LIMK2: variants seen among roughly 807,000 people sequenced by gnomAD.
The protein encoded by LIMK2 is LIM domain kinase 2.
In LIMK2, 35 loss-of-function variants were observed where a neutral mutation model predicts 75.7. That is an observed-to-expected ratio of 0.46 (90% CI 0.35 to 0.61). LIMK2 has a LOEUF of 0.61. LIMK2 is among the 20% of genes least tolerant of loss of function. The probability of loss-of-function intolerance (pLI) is 0.00; values close to 1 mark genes in which losing one functional copy is unlikely to be tolerated. For synonymous variants in LIMK2, 301 were observed against 319.2 expected (o/e 0.94, Z 0.61); for missense variants, 623 against 831.0 (o/e 0.75, Z 3.08).
At chr22:31,270,123 G>A (rs1419394529) in intron 11 of LIMK2, among the ~76,000 whole-genome samples, 2 of 152,162 alleles carry the variant, frequency 1.3e-5, no homozygotes, top group Non-Finnish European at 2.9e-5. Context: ...CATCTTCTGG[G>A]CAGGAAACTG....
intron 13 of LIMK2, among the ~76,000 whole-genome samples, 155 bp from the exon 14 acceptor site, chr22:31,273,296 AT>A (rs894310258): frequency 1.2e-4 from 19 of 152,250 alleles, no homozygotes; most frequent in African/African-American, 4.6e-4. Flanking sequence ...AGGAAGGACT[AT>A]TTTCAGGTGG....
At chr22:31,242,363 CCTT>C (rs1568989341) in intron 2 of LIMK2, among the ~76,000 whole-genome samples, 8 of 152,282 alleles carry the variant, frequency 5.3e-5, no homozygotes, top group Admixed American at 2.6e-4. Context: ...TGTTTTTCCT[CCTT>C]TTTGAAAACT....
chr22:31,277,248 G>A, intron 15 of LIMK2: 7 of 1,559,630 alleles, frequency 4.5e-6, no homozygotes, highest in Non-Finnish European at 6.1e-6. Context: ...GGTTCCATGA[G>A]CAGGGCTCCT....
chr22:31,276,806 C>T, intron 15 of LIMK2: 1 of 1,610,812 alleles, frequency 6.2e-7, no homozygotes, highest in Non-Finnish European at 8.5e-7. Context: ...CCCGGGGCCG[C>T]AGGAGAGGGC....
intron 11 of LIMK2, among the ~76,000 whole-genome samples, chr22:31,269,286 CTTT>C (rs796361643): frequency 2.1e-5 from 2 of 95,476 alleles, no homozygotes; most frequent in Non-Finnish European, 2.2e-5. Flanking sequence ...ATTTTTTTTT[CTTT>C]TTTTTTTTTT....
chr22:31,233,400 C>T (rs1421230256), intron 2 of LIMK2, among the ~76,000 whole-genome samples: 1 of 152,140 alleles, frequency 6.6e-6, no homozygotes, highest in Admixed American at 6.5e-5. Context: ...CATGACATTC[C>T]ACACTCTCCT....
chr22:31,242,778 A>G (rs1321068885), intron 2 of LIMK2, among the ~76,000 whole-genome samples: 1 of 152,252 alleles, frequency 6.6e-6, no homozygotes, highest in African/African-American at 2.4e-5. Flanking sequence ...TGAACATGAC[A>G]TCACATTACA....
At position 31,273,460 on chromosome 22, in the gene LIMK2, T is replaced by C. The variant is rs1245672683; in HGVS notation, c.1567T>C (p.Tyr523His). 1 of 1,613,708 alleles carries C rather than the reference T, an allele frequency of 6.2e-7. No individual in the cohort carries two copies. The highest frequency in any genetic ancestry group is 2.2e-5 in the East Asian group (1 of 44,858). The change falls in exon 14 of 16, where the codon TAT becomes CAT. Residue 523 changes from tyrosine to histidine, a missense_variant. Around this residue, in one of 3 missense-constraint regions of LIMK2, gnomAD observed 63 missense variants for 122.8 expected, o/e 0.51. Coordinates refer to ENST00000331728, the MANE Select transcript of LIMK2 (RefSeq NM_005569.4). ...MAPEMLNGKSYDETVDIFSFG... is the reference protein window; with the variant it reads ...MAPEMLNGKSHDETVDIFSFG... ...CTCCTGTGTTCCCCAAGGAAAGAGCTATGATGAGACGGTGGATATCTTCTC... is the reference window on the plus strand; with the variant it reads ...CTCCTGTGTTCCCCAAGGAAAGAGCCATGATGAGACGGTGGATATCTTCTC...
chr22:31,216,709 A>C (rs929902131), intron 1 of LIMK2, among the ~76,000 whole-genome samples: 6 of 152,214 alleles, frequency 3.9e-5, no homozygotes, highest in Non-Finnish European at 5.9e-5. Flanking sequence ...ATCCGTCATG[A>C]TCAAGGGGCT....
intron 8 of LIMK2, 109 bp downstream of exon 8, chr22:31,266,241 G>A (rs2048894582): frequency 8.9e-7 from 1 of 1,120,478 alleles, no homozygotes. Context: ...AGGATGCCAG[G>A]CCTCCTTCCT....
chr22:31,278,284 CT>C lies in LIMK2; in HGVS notation c.1773-9del, dbSNP rs1472885125. Reference sequence around the variant, plus strand: ...TGTTCCACCTGCCTCTAATTTACCTCTTTTCCTTCTAGACCAGCATTCTCGA... The same window carrying C: ...TGTTCCACCTGCCTCTAATTTACCTCTTTCCTTCTAGACCAGCATTCTCGA... On this transcript the variant is annotated splice_polypyrimidine_tract_variant and intron_variant, in intron 15 of 15. Transcript: ENST00000331728. 3 of 1,606,710 alleles carry C rather than the reference CT, an allele frequency of 1.9e-6. No individual in the cohort carries two copies. Among genetic ancestry groups the C allele is most frequent in the African/African-American group, 1.3e-5 (1 of 74,964 alleles).
intron 15 of LIMK2, 43 bp from the exon 16 acceptor site, chr22:31,278,254 G>C (rs1435620739): frequency 6.4e-7 from 1 of 1,572,240 alleles, no homozygotes; most frequent in East Asian, 2.2e-5. Context: ...CCATGGCCCT[G>C]CTCATGTTCC....
At chr22:31,243,567 A>T (rs754191133) in intron 2 of LIMK2, among the ~76,000 whole-genome samples, 3 of 152,206 alleles carry the variant, frequency 2.0e-5, no homozygotes, top group Admixed American at 6.5e-5. Context: ...GACGCTTTGA[A>T]GACCTGTGCC....
chr22:31,219,938 A>G (rs2075003465), intron 1 of LIMK2, among the ~76,000 whole-genome samples: 1 of 152,214 alleles, frequency 6.6e-6, no homozygotes, highest in Non-Finnish European at 1.5e-5. Context: ...GGTAAACACT[A>G]TAGAGGGAGA....
At chr22:31,247,950 C>G (rs1002279656) in intron 2 of LIMK2, among the ~76,000 whole-genome samples, 5 of 151,888 alleles carry the variant, frequency 3.3e-5, no homozygotes, top group Admixed American at 1.3e-4. Flanking sequence ...CAGGACAGAA[C>G]AGATGGCAGC....
intron 2 of LIMK2, chr22:31,248,762 C>T (rs1457321255): frequency 6.2e-7 from 1 of 1,614,202 alleles, no homozygotes; most frequent in South Asian, 1.1e-5. Flanking sequence ...CTCCAGAGAC[C>T]TGTTTCGGTG....
At chr22:31,268,037 G>C in intron 10 of LIMK2, 107 bp from the exon 11 acceptor site, 1 of 1,525,062 alleles carries the variant, frequency 6.6e-7, no homozygotes, top group Non-Finnish European at 9.1e-7. Flanking sequence ...GGGTGGGACT[G>C]AGCATACACA....
chr22:31,267,829 G>T lies in LIMK2; in HGVS notation c.1182G>T (p.Val394=), dbSNP rs564057387. 6.2e-7 allele frequency: 1 copy of T among 1,613,172 alleles called. No individual in the cohort carries two copies. Among genetic ancestry groups the T allele is most frequent in the African/African-American group, 1.3e-5 (1 of 74,938 alleles). Residue 394 remains valine (V), a synonymous_variant, in exon 10 of 16, where the codon GTG becomes GTT. Transcript: ENST00000331728. ...DHPNVLKFIG[V]LYKDKKLNLL... Reference sequence around the variant, plus strand: ...CCAATGTGCTCAAGTTCATTGGTGTGCTGTACAAGGATAAGAAGCTGAACC... The same window carrying T: ...CCAATGTGCTCAAGTTCATTGGTGTTCTGTACAAGGATAAGAAGCTGAACC...
In LIMK2 at chr22:31,271,045, C is replaced by G. The variant is rs2048951092; in HGVS notation, c.1318-91C>G. On this transcript the variant is annotated intron_variant, in intron 11 of 15. Coordinates refer to ENST00000331728, the MANE Select transcript of LIMK2 (RefSeq NM_005569.4). Reference sequence around the variant, plus strand: ...GGTTCTGAAGCTGGGTGGGCATGGCCTGGTAGGAGAGCATCTATGGCGCCC... The same window carrying G: ...GGTTCTGAAGCTGGGTGGGCATGGCGTGGTAGGAGAGCATCTATGGCGCCC... 3.3e-6 allele frequency: 4 copies of G among 1,197,210 alleles called. No homozygotes were observed. The Admixed American group carries it at 6.8e-5, about 20-fold the overall frequency. 74.2% of individuals were successfully genotyped at this position (1,197,210 alleles called of 1,614,324 possible).
Sources: gnomAD v4.1 joint callset for allele counts (sites outside exome capture counted in the v4.1 genomes callset) on GRCh38, gnomAD v4.1.1 for gene constraint, gnomAD v4.1.1 regional missense constraint, MANE v1.5 for transcripts, NCBI Gene and HGNC (gene_info 2026-07-23, HGNC 2026-07-21) for gene names.